ACACA: variants seen among roughly 807,000 people sequenced by gnomAD.
ACACA encodes acetyl-CoA carboxylase alpha, also known as acetyl-CoA carboxylase 1.
ACACA carries 103 observed loss-of-function variants against 296.1 expected under a neutral mutation model. The ratio of observed to expected loss-of-function variants is 0.35; its 90% confidence interval spans 0.30 to 0.41. The LOEUF (loss-of-function observed/expected upper bound fraction) is 0.41. Ranked by LOEUF, ACACA falls within the 10% of genes least tolerant of loss-of-function variation. ACACA has a pLI of 1.00. For missense variants in ACACA, 1,554 were observed against 2,989.7 expected (o/e 0.52, Z 11.20); for synonymous variants, 953 against 1,038.6 (o/e 0.92, Z 1.58).
At chr17:37,231,218 TAAA>T (rs777551834) in intron 25 of ACACA, among the ~76,000 whole-genome samples, 3 of 127,784 alleles carry the variant, frequency 2.3e-5, no homozygotes, top group Admixed American at 7.9e-5. Context: ...ATCTTTAATT[TAAA>T]AAAAAAAAAA....
intron 33 of ACACA, among the ~76,000 whole-genome samples, chr17:37,200,798 T>G (rs112800150): frequency 2.4e-4 from 36 of 152,348 alleles, no homozygotes; most frequent in Middle Eastern, 3.4e-3. Context: ...CAATTTCTGC[T>G]TATAGAAATC....
intron 3 of ACACA, chr17:37,328,692 GTGT>G: frequency 2.6e-6 from 1 of 385,744 alleles, no homozygotes; most frequent in Non-Finnish European, 4.6e-6. Flanking sequence ...GATATATTTA[GTGT>G]ATAAAATAGA....
intron 41 of ACACA, among the ~76,000 whole-genome samples, chr17:37,177,207 T>C (rs1333280081): frequency 6.6e-6 from 1 of 151,986 alleles, no homozygotes; most frequent in Non-Finnish European, 1.5e-5. Context: ...AGACATATCT[T>C]TTCCACTAAG....
chr17:37,368,876 A>G (rs2049702178), intron 1 of ACACA: 1 of 152,180 alleles, frequency 6.6e-6, no homozygotes, highest in South Asian at 2.1e-4. Flanking sequence ...TAGGAGTGTA[A>G]TGAGGACAAT....
intron 3 of ACACA, chr17:37,301,463 C>G: frequency 2.1e-6 from 2 of 935,912 alleles, no homozygotes; most frequent in South Asian, 9.9e-5. Context: ...GCAGTTTACC[C>G]GGCAGACAGT....
chr17:37,222,293 C>T (rs914625721), intron 28 of ACACA, among the ~76,000 whole-genome samples: 1 of 152,160 alleles, frequency 6.6e-6, no homozygotes, highest in Admixed American at 6.5e-5. Flanking sequence ...AACTCTTTTA[C>T]TATCTCATGT....
chr17:37,202,698 TATATATATATATATACAC>T (rs1397408976), intron 33 of ACACA, among the ~76,000 whole-genome samples: 209 of 17,876 alleles, frequency 0.012, 9 homozygotes, highest in African/African-American at 0.03. Context: ...TATATATATA[TATATATATATATATACAC>T]ACACACATAT....
intron 25 of ACACA, among the ~76,000 whole-genome samples, chr17:37,231,592 G>A (rs994578924): frequency 2.0e-5 from 3 of 152,194 alleles, no homozygotes; most frequent in African/African-American, 4.8e-5. Flanking sequence ...GTGCTGATCA[G>A]CATCATAAAT....
intron 16 of ACACA, 107 bp from the exon 17 acceptor site, chr17:37,248,781 C>A: frequency 1.3e-6 from 1 of 760,546 alleles, no homozygotes; most frequent in Non-Finnish European, 2.3e-6. Context: ...AGACTAGAAA[C>A]AACCTAAATA....
At chr17:37,293,829 C>T (rs1400514532) in intron 3 of ACACA, among the ~76,000 whole-genome samples, 2 of 152,124 alleles carry the variant, frequency 1.3e-5, no homozygotes, top group Non-Finnish European at 2.9e-5. Context: ...CATGAGCCAC[C>T]ACGCCTGGCC....
chr17:37,380,515 C>A (rs182218924), intron 1 of ACACA, among the ~76,000 whole-genome samples: 1 of 152,054 alleles, frequency 6.6e-6, no homozygotes, highest in African/African-American at 2.4e-5. Context: ...CTCTAAGATC[C>A]CTTCTAGCCC....
intron 44 of ACACA, among the ~76,000 whole-genome samples, chr17:37,150,267 C>A (rs780655702): frequency 2.6e-5 from 4 of 151,706 alleles, no homozygotes; most frequent in Non-Finnish European, 5.9e-5. Flanking sequence ...TGGGGCCGGG[C>A]GAGGCAGCTC....
chr17:37,388,889 T>C, intron 1 of ACACA: 1 of 1,481,138 alleles, frequency 6.8e-7, no homozygotes, highest in Non-Finnish European at 9.2e-7. Context: ...AGCATAGACT[T>C]TGGAATTTGA....
intron 3 of ACACA, chr17:37,301,378 T>C (rs2083608951): frequency 1.0e-6 from 1 of 985,268 alleles, no homozygotes; most frequent in African/African-American, 1.7e-5. Context: ...CGTAGACACA[T>C]ACCTGGCACA....
intron 38 of ACACA, among the ~76,000 whole-genome samples, chr17:37,189,125 A>G (rs1319992269): frequency 3.3e-5 from 5 of 152,208 alleles, no homozygotes; most frequent in African/African-American, 1.2e-4. Context: ...CTAAGTTTAT[A>G]CCAAGGCAGC....
chr17:37,182,342 T>C (rs2077357391), intron 39 of ACACA, among the ~76,000 whole-genome samples: 1 of 151,634 alleles, frequency 6.6e-6, no homozygotes, highest in Admixed American at 6.6e-5. Flanking sequence ...AAATTATGTA[T>C]ATTAAAAAAC....
intron 10 of ACACA, 120 bp downstream of exon 10, chr17:37,270,631 T>A: frequency 2.6e-6 from 2 of 772,364 alleles, no homozygotes; most frequent in South Asian, 1.5e-5. Context: ...GAAAGACAGT[T>A]AGCTATAGAC....
intron 1 of ACACA, among the ~76,000 whole-genome samples, chr17:37,362,383 A>G (rs953121425): frequency 2.0e-5 from 3 of 152,212 alleles, no homozygotes; most frequent in South Asian, 2.1e-4. Flanking sequence ...TCCTGTGGGT[A>G]AAGTCAGAAA....
intron 16 of ACACA, 88 bp downstream of exon 16, chr17:37,251,917 G>A: frequency 2.4e-6 from 3 of 1,231,798 alleles, no homozygotes; most frequent in East Asian, 2.3e-5. Context: ...GCCAGGAATG[G>A]ACAGAAGAAT....
Sources: allele counts gnomAD v4.1 joint callset (sites outside exome capture counted in the v4.1 genomes callset), GRCh38; gene constraint gnomAD v4.1.1; transcripts MANE v1.5; gene names NCBI Gene and HGNC (gene_info 2026-07-23, HGNC 2026-07-21).